The following CCDC33 variants were observed in gnomAD, a reference collection of about 807,000 sequenced individuals.
The protein encoded by CCDC33 is coiled-coil domain containing 33.
A neutral mutation model predicts 91.9 loss-of-function variants in CCDC33; 94 were observed. The ratio of observed to expected loss-of-function variants is 1.02; its 90% CI spans 0.87 to 1.21. The LOEUF is 1.21. Among genes scored for constraint, CCDC33 ranks in the 50% most tolerant of loss-of-function variants. CCDC33 has a pLI of 0.00. For missense variants in CCDC33, 940 were observed against 935.5 expected, an observed-to-expected ratio of 1.00 and a Z score of -0.06; for synonymous variants, 396 against 374.5, an observed-to-expected ratio of 1.06 and a Z score of -0.66.
At chr15:74,308,079 G>C (rs183224559) in intron 11 of CCDC33, among the ~76,000 whole-genome samples, 21 of 152,250 alleles carry the variant, frequency 1.4e-4, no homozygotes, top group Admixed American at 1.2e-3. Flanking sequence ...ACGGGCTCTA[G>C]GTGGGCACGT....
intron 11 of CCDC33, among the ~76,000 whole-genome samples, chr15:74,297,226 G>C (rs1346156849): frequency 6.6e-6 from 1 of 152,188 alleles, no homozygotes; most frequent in Non-Finnish European, 1.5e-5. Flanking sequence ...GTCACCTCTG[G>C]CCCTTGGGGA....
rs538827749 is a variant in CCDC33, at chr15:74,261,571, G to A, written c.186-869G>A. Reference sequence around the variant, plus strand: ...GTGTGGTGTGGCTCCCCCTGCTACAGGATCTCTGGGATGATTCCTCAGCCC... The same window carrying A: ...GTGTGGTGTGGCTCCCCCTGCTACAAGATCTCTGGGATGATTCCTCAGCCC... On this transcript the variant is annotated intron_variant, in intron 2 of 18. Coordinates refer to ENST00000398814, the MANE Select transcript of CCDC33 (RefSeq NM_025055.5). 3.9e-5 allele frequency among the ~76,000 whole-genome samples: 6 copies of A among 152,306 alleles called. No homozygotes were observed. In the South Asian group the frequency reaches 1.2e-3, roughly 32 times the overall value.
chr15:74,270,556 A>G (rs946666857), intron 5 of CCDC33, among the ~76,000 whole-genome samples: 3 of 152,158 alleles, frequency 2.0e-5, no homozygotes, highest in Admixed American at 2.0e-4. Flanking sequence ...GATTAGGGAA[A>G]GGAACAGAAG....
At chr15:74,216,650 C>A (rs1158515468), upstream of CCDC33, among the ~76,000 whole-genome samples, 1 of 99,938 alleles carries the variant, frequency 1.0e-5, no homozygotes, top group African/African-American at 3.9e-5. Context: ...GACTCCATCT[C>A]AAAAAAAAAA....
chr15:74,258,999 T>G (rs2075951595), intron 2 of CCDC33, among the ~76,000 whole-genome samples: 1 of 152,014 alleles, frequency 6.6e-6, no homozygotes, highest in South Asian at 2.1e-4. Context: ...TAGGCCAGGT[T>G]GAGGGAGGTT....
rs1037051207 is a variant in CCDC33 at position 74,316,129 on chromosome 15, G to A, written c.1291-14060G>A. The stretch of plus-strand genomic sequence containing the variant: ...CAGGGGTGGGGGCTCTTGAGCACCC[G>A]TTTTATAGATGAAATGCCTGAGACC... On this transcript the variant is annotated intron_variant, in intron 11 of 18. Transcript: ENST00000398814. The surrounding 1 kb of genome is among the most constrained non-coding windows in gnomAD (Gnocchi z 4.7). Among the ~76,000 whole-genome samples the A allele has an allele frequency of 3.3e-5, 5 of 152,186 alleles. No individual in the cohort carries two copies. Among genetic ancestry groups the A allele is most frequent in the Non-Finnish European group, 7.3e-5 (5 of 68,028 alleles).
At chr15:74,219,462 TCAA>T (rs1238576237) in intron 2 of CCDC33, among the ~76,000 whole-genome samples, 3 of 152,144 alleles carry the variant, frequency 2.0e-5, no homozygotes, top group Admixed American at 6.5e-5. Context: ...CCATTTAATG[TCAA>T]CAACATTTCC....
At chr15:74,224,051 C>T (rs2074705615) in intron 2 of CCDC33, among the ~76,000 whole-genome samples, 1 of 152,146 alleles carries the variant, frequency 6.6e-6, no homozygotes, top group South Asian at 2.1e-4. Flanking sequence ...GCTCGATTTT[C>T]TTTTATTTCA....
intron 2 of CCDC33, among the ~76,000 whole-genome samples, chr15:74,228,031 G>T (rs78683900): frequency 1.3e-5 from 2 of 152,238 alleles, no homozygotes; most frequent in South Asian, 4.2e-4. Context: ...CCTCTGCAGA[G>T]AGGTGTTACT....
At chr15:74,320,195 G>C (rs765972625) in intron 11 of CCDC33, among the ~76,000 whole-genome samples, 1 of 152,120 alleles carries the variant, frequency 6.6e-6, no homozygotes, top group Non-Finnish European at 1.5e-5. Context: ...CAGAGCTTCC[G>C]GGCCTGGCTG....
intron 11 of CCDC33, 97 bp from the exon 12 acceptor site, chr15:74,330,092 C>T (rs969434982): frequency 5.7e-6 from 8 of 1,413,818 alleles, no homozygotes; most frequent in Non-Finnish European, 6.7e-6. Context: ...GCTCACTGGC[C>T]TTGTGGGGGA....
At chr15:74,280,177 G>A (rs2076555430) in intron 8 of CCDC33, 85 bp downstream of exon 8, 1 of 1,504,572 alleles carries the variant, frequency 6.6e-7, no homozygotes, top group Non-Finnish European at 9.1e-7. Context: ...TCCCACCTCT[G>A]CCTCCCACAG....
intron 11 of CCDC33, among the ~76,000 whole-genome samples, chr15:74,310,260 C>T (rs923693475): frequency 2.0e-5 from 3 of 152,058 alleles, no homozygotes; most frequent in Admixed American, 6.6e-5. Context: ...ATTCTGAGGC[C>T]GGGCACAATG....
At chr15:74,315,721 A>G (rs1055370868) in intron 11 of CCDC33, among the ~76,000 whole-genome samples, 3 of 152,190 alleles carry the variant, frequency 2.0e-5, no homozygotes, top group African/African-American at 7.2e-5. Context: ...AGGTGGGGGA[A>G]CTGCGTGAGC....
chr15:74,244,226 C>T lies in CCDC33; in HGVS notation c.185+78C>T. Reference sequence around the variant, plus strand: ...AACCAGGGGACAGCTATTTGGAATACTAGCACCCAAAGGCCCAGGACTGGG... The same window carrying T: ...AACCAGGGGACAGCTATTTGGAATATTAGCACCCAAAGGCCCAGGACTGGG... On this transcript the variant is annotated intron_variant, in intron 2 of 18. Coordinates refer to ENST00000398814, the MANE Select transcript of CCDC33 (RefSeq NM_025055.5). This position sits in a 1 kb window ranked among gnomAD's most constrained non-coding sequence, Gnocchi z 4.2. 6.6e-7 allele frequency: 1 copy of T among 1,524,046 alleles called. No homozygotes were observed. The allele number at this position is 1,524,046 out of a possible 1,614,324, so 94.4% of individuals were successfully genotyped here.
intron 11 of CCDC33, among the ~76,000 whole-genome samples, chr15:74,306,586 G>T (rs1274316415): frequency 1.3e-5 from 2 of 152,170 alleles, no homozygotes; most frequent in African/African-American, 2.4e-5. Context: ...CTCACCAAAA[G>T]GCACTGTGGG....
intron 11 of CCDC33, among the ~76,000 whole-genome samples, chr15:74,327,768 C>G (rs1283679214): frequency 1.3e-5 from 2 of 152,220 alleles, no homozygotes; most frequent in Non-Finnish European, 2.9e-5. Flanking sequence ...GGCTGAGGAA[C>G]TGGCAGCCCC....
Position 74,335,047 on chromosome 15 carries a change from G to T in CCDC33, c.2098G>T (p.Gly700Cys). ...LATRLQEQEK[G>C]FRHPSNSIII... ...CACACGGCTGCAGGAGCAAGAAAAA[G>T]GTTTCAGGCACCCCTCGAACTCCAT... The change falls in exon 18 of 19, where the codon GGT (glycine) becomes TGT (cysteine). Residue 700 changes from glycine to cysteine, a missense_variant. By Grantham distance (159) the Gly-to-Cys change is radical (BLOSUM62 -3). Transcript: ENST00000398814. 1 of 1,614,130 alleles carries T rather than the reference G, an allele frequency of 6.2e-7. No homozygotes were observed. The highest frequency in any genetic ancestry group is 8.5e-7 in the Non-Finnish European group (1 of 1,180,014).
At chr15:74,268,488 G>GC in intron 5 of CCDC33, 30 bp downstream of exon 5, 1 of 1,402,364 alleles carries the variant, frequency 7.1e-7, no homozygotes, top group Non-Finnish European at 9.7e-7. Context: ...CTGGGGTGGT[G>GC]GTGGGGGTGG....
Sources: allele counts gnomAD v4.1 joint callset (sites outside exome capture counted in the v4.1 genomes callset), GRCh38; gene constraint gnomAD v4.1.1; non-coding constraint Gnocchi (gnomAD v3.1); transcripts MANE v1.5; gene names NCBI Gene and HGNC (gene_info 2026-07-23, HGNC 2026-07-21).